Variants in BCKDHB observed in about 807,000 individuals in gnomAD.
The protein encoded by BCKDHB is branched chain keto acid dehydrogenase E1 subunit beta.
BCKDHB carries 41 observed loss-of-function variants against 48.5 expected under a neutral mutation model. That is an observed-to-expected ratio of 0.85 (90% CI 0.66 to 1.10). The LOEUF (loss-of-function observed/expected upper bound fraction) is 1.10. BCKDHB is among the 50% of genes least tolerant of loss of function. The pLI is 0.00. For missense variants in BCKDHB, 496 were observed against 494.2 expected (o/e 1.00, Z -0.03); for synonymous variants, 201 against 174.8 (o/e 1.15, Z -1.18).
At chr6:80,327,729 A>G (rs994946340) in intron 9 of BCKDHB, among the ~76,000 whole-genome samples, 4 of 152,082 alleles carry the variant, frequency 2.6e-5, no homozygotes, top group African/African-American at 9.7e-5. Flanking sequence ...GTAATATTAT[A>G]CCAATATGGC....
In BCKDHB at chr6:80,176,696, C is replaced by T. The variant is rs150945524; in HGVS notation, c.742+5306C>T. 1.8e-3 allele frequency among the ~76,000 whole-genome samples: 273 copies of T among 152,182 alleles called. 1 individual carries two copies. Among genetic ancestry groups the T allele is most frequent in the African/African-American group, 5.9e-3 (244 of 41,520 alleles). On this transcript the variant is annotated intron_variant, in intron 6 of 9. Transcript: ENST00000320393. ...ACAATTTGAGTATGTGCTAGTAGTGCGGTCTGAAAGCACTTAAGCAGATAA... is the reference window on the plus strand; with the variant it reads ...ACAATTTGAGTATGTGCTAGTAGTGTGGTCTGAAAGCACTTAAGCAGATAA...
the BCKDHB span, among the ~76,000 whole-genome samples, chr6:80,443,974 A>G: frequency 1.3e-5 from 2 of 151,874 alleles, no homozygotes; most frequent in African/African-American, 4.8e-5. Context: ...AAAATTTAAA[A>G]CTTATTTTTC....
intron 6 of BCKDHB, among the ~76,000 whole-genome samples, chr6:80,179,946 G>A (rs1241321517): frequency 6.6e-6 from 1 of 152,134 alleles, no homozygotes; most frequent in Non-Finnish European, 1.5e-5. Context: ...CATTGTGCCA[G>A]TCACAGTTCC....
chr6:80,411,573 G>GGAGTCTATAGAGGCA, the BCKDHB span, among the ~76,000 whole-genome samples: 1 of 152,248 alleles, frequency 6.6e-6, no homozygotes, highest in Admixed American at 6.5e-5. Flanking sequence ...CCACAGAGGT[G>GGAGTCTATAGAGGCA]GAGTCTATAG....
At chr6:80,147,169 A>G (rs1045158930) in intron 3 of BCKDHB, among the ~76,000 whole-genome samples, 6 of 152,288 alleles carry the variant, frequency 3.9e-5, no homozygotes, top group Admixed American at 2.6e-4. Context: ...TTCTATTCTT[A>G]TCCCACTTTG....
chr6:80,110,409 A>G (rs1296518034), intron 1 of BCKDHB, among the ~76,000 whole-genome samples: 1 of 152,148 alleles, frequency 6.6e-6, no homozygotes, highest in Non-Finnish European at 1.5e-5. Flanking sequence ...TTTTTCATCC[A>G]GGATTTGGCT....
chr6:80,327,765 G>A (rs188200804), intron 9 of BCKDHB, among the ~76,000 whole-genome samples: 98 of 151,942 alleles, frequency 6.4e-4, no homozygotes, highest in Admixed American at 6.4e-3. Flanking sequence ...TTGTGATCTC[G>A]CTACTATGAA....
chr6:80,287,809 C>T (rs570624141), intron 9 of BCKDHB, among the ~76,000 whole-genome samples: 78 of 152,112 alleles, frequency 5.1e-4, no homozygotes, highest in Non-Finnish European at 1.0e-3. Flanking sequence ...TAGACAAGCC[C>T]CCTGTGCACG....
the BCKDHB span, among the ~76,000 whole-genome samples, chr6:80,389,275 G>A: frequency 6.6e-6 from 1 of 152,150 alleles, no homozygotes. Context: ...GTTACACATG[G>A]GCTCAGCAAC....
intron 9 of BCKDHB, among the ~76,000 whole-genome samples, chr6:80,340,948 A>C (rs1181569280): frequency 6.6e-6 from 1 of 152,256 alleles, no homozygotes; most frequent in Non-Finnish European, 1.5e-5. Context: ...AAGTAAGTAC[A>C]GCTGCTTAAT....
the BCKDHB span, among the ~76,000 whole-genome samples, chr6:80,411,166 CCTTT>C: frequency 6.6e-6 from 1 of 152,096 alleles, no homozygotes. Flanking sequence ...TGATGCTGGT[CCTTT>C]CTGTTTGTTA....
chr6:80,234,343 G>A (rs1407985603), intron 8 of BCKDHB, among the ~76,000 whole-genome samples: 1 of 152,170 alleles, frequency 6.6e-6, no homozygotes, highest in African/African-American at 2.4e-5. Flanking sequence ...CAATGTGCTA[G>A]GTAGAGACTT....
intron 8 of BCKDHB, among the ~76,000 whole-genome samples, chr6:80,207,521 C>G (rs993776429): frequency 1.3e-5 from 2 of 151,270 alleles, no homozygotes; most frequent in Non-Finnish European, 3.0e-5. Context: ...GATATAAACC[C>G]AAATATAGAA....
At chr6:80,313,633 T>TTAC (rs1768282251) in intron 9 of BCKDHB, among the ~76,000 whole-genome samples, 1 of 152,206 alleles carries the variant, frequency 6.6e-6, no homozygotes, top group Non-Finnish European at 1.5e-5. Context: ...AGTGCTGGAA[T>TTAC]TACAGGTGTG....
rs755301848 is a variant in BCKDHB, at chr6:80,107,516, T to TATATATATATGCACATATATATATGC, written c.196+637_196+638insGCACATATATATATGCATATATATAT. Among the ~76,000 whole-genome samples, 3 of 46,562 alleles carry TATATATATATGCACATATATATATGC rather than the reference T, an allele frequency of 6.4e-5. No homozygotes were observed. The South Asian group carries it at 2.6e-3, about 40-fold the overall frequency. The allele number at this position is 46,562 out of a possible 152,430, so 30.5% of individuals were successfully genotyped here. A position where few individuals can be genotyped will look rare whatever the true frequency, so the allele number is the denominator to read the frequency against. ...ATATATATGCATATATATGTGCGCA[T>TATATATATATGCACATATATATATGC]ATATATATATATGCATATATATATA... On this transcript the variant is annotated intron_variant, in intron 1 of 9. Coordinates refer to ENST00000320393, the MANE Select transcript of BCKDHB (RefSeq NM_183050.4).
intron 8 of BCKDHB, among the ~76,000 whole-genome samples, chr6:80,218,948 G>T (rs1346039882): frequency 6.6e-6 from 1 of 151,850 alleles, no homozygotes; most frequent in Non-Finnish European, 1.5e-5. Flanking sequence ...TTTCACTTGA[G>T]GTCCAGTGCT....
At chr6:80,308,599 T>C (rs796126747) in intron 9 of BCKDHB, among the ~76,000 whole-genome samples, 3 of 115,596 alleles carry the variant, frequency 2.6e-5, no homozygotes, top group African/African-American at 1.4e-4. Context: ...TTCTTCTTCT[T>C]TTTTTTTTTT....
chr6:80,261,777 T>C (rs1254863694), intron 8 of BCKDHB, among the ~76,000 whole-genome samples: 1 of 152,186 alleles, frequency 6.6e-6, no homozygotes, highest in Admixed American at 6.5e-5. Context: ...AACACTTTCT[T>C]CTGGATGTTA....
chr6:80,440,276 G>C, the BCKDHB span, among the ~76,000 whole-genome samples: 25 of 152,230 alleles, frequency 1.6e-4, no homozygotes, highest in Non-Finnish European at 3.2e-4. Context: ...CTGTGTAAAA[G>C]GTAATACAAT....
Sources: allele counts gnomAD v4.1 joint callset (sites outside exome capture counted in the v4.1 genomes callset), GRCh38; gene constraint gnomAD v4.1.1; transcripts MANE v1.5; gene names NCBI Gene and HGNC (gene_info 2026-07-23, HGNC 2026-07-21).